The following DPP8 variants were observed in gnomAD, a reference collection of about 807,000 sequenced individuals.
DPP8 encodes dipeptidyl peptidase 8.
In DPP8, 31 loss-of-function variants were observed where a neutral mutation model predicts 107.5. That is an observed-to-expected ratio of 0.29 (90% CI 0.22 to 0.39). The LOEUF (loss-of-function observed/expected upper bound fraction) is 0.39. Among genes scored for constraint, DPP8 ranks in the 10% least tolerant of loss-of-function variants. The probability of loss-of-function intolerance (pLI) is 1.00; values close to 1 mark genes in which losing one functional copy is unlikely to be tolerated. For synonymous variants in DPP8, 381 were observed against 356.6 expected, an observed-to-expected ratio of 1.07 and a Z score of -0.77; for missense variants, 842 against 1,076.1, an observed-to-expected ratio of 0.78 and a Z score of 3.04.
chr15:65,474,035 T>C (rs1205141256), intron 12 of DPP8, among the ~76,000 whole-genome samples, 174 bp downstream of exon 12: 3 of 151,202 alleles, frequency 2.0e-5, no homozygotes, highest in Non-Finnish European at 4.4e-5. Context: ...ACCCGGGAGG[T>C]GGAAGTTGTA....
chr15:65,444,359 A>G lies in DPP8; in HGVS notation c.*2525T>C, dbSNP rs1222488756. 2 of 152,296 alleles carry G rather than the reference A, an allele frequency of 1.3e-5. No homozygotes were observed. Among genetic ancestry groups the G allele is most frequent in the Admixed American group, 6.5e-5 (1 of 15,292 alleles). 9.4% of individuals were successfully genotyped at this position (152,296 alleles called of 1,614,324 possible). A position where few individuals can be genotyped will look rare whatever the true frequency, so the allele number is the denominator to read the frequency against. ...TCTGGATGGTTGTTCAAGTGTACACATTTATCAAGTCTTTAAAAACGTAGT... is the reference window on the plus strand; with the variant it reads ...TCTGGATGGTTGTTCAAGTGTACACGTTTATCAAGTCTTTAAAAACGTAGT... On this transcript the variant is annotated 3_prime_UTR_variant, in exon 20 of 20. Transcript: ENST00000300141.
chr15:65,466,604 A>G, intron 14 of DPP8, 74 bp downstream of exon 14: 1 of 1,370,816 alleles, frequency 7.3e-7, no homozygotes, highest in Non-Finnish European at 1.0e-6. Context: ...AGGAAATGTG[A>G]AAATATGACA....
At chr15:65,475,884 G>A (rs1222888012) in intron 11 of DPP8, among the ~76,000 whole-genome samples, 1 of 152,122 alleles carries the variant, frequency 6.6e-6, no homozygotes, top group Non-Finnish European at 1.5e-5. Flanking sequence ...AAGTAGCTGG[G>A]ACTACAGGCT....
intron 4 of DPP8, among the ~76,000 whole-genome samples, chr15:65,500,150 G>A (rs1172547919): frequency 6.6e-6 from 1 of 152,044 alleles, no homozygotes; most frequent in African/African-American, 2.4e-5. Flanking sequence ...TGGGCGCGGT[G>A]GCTCATGTCT....
intron 15 of DPP8, among the ~76,000 whole-genome samples, chr15:65,462,586 A>T (rs930830463): frequency 1.3e-5 from 2 of 152,060 alleles, no homozygotes; most frequent in East Asian, 3.9e-4. Context: ...ACCCATCCAA[A>T]ATATATATAT....
At chr15:65,472,772 G>T (rs1328344413) in intron 12 of DPP8, among the ~76,000 whole-genome samples, 1 of 152,158 alleles carries the variant, frequency 6.6e-6, no homozygotes, top group Non-Finnish European at 1.5e-5. Context: ...AGGCGTGGTG[G>T]TTCACACCTG....
intron 8 of DPP8, among the ~76,000 whole-genome samples, chr15:65,483,100 AAAAT>A (rs1250856949): frequency 6.6e-6 from 1 of 152,086 alleles, no homozygotes; most frequent in Non-Finnish European, 1.5e-5. Flanking sequence ...CCATCTCAAA[AAAAT>A]AAATAAATAA....
At chr15:65,509,957 G>A (rs2070546957) in intron 2 of DPP8, among the ~76,000 whole-genome samples, 1 of 152,052 alleles carries the variant, frequency 6.6e-6, no homozygotes, top group Admixed American at 6.6e-5. Flanking sequence ...GGAGGTGGAG[G>A]TTGCAGTTAG....
chr15:65,512,435 T>C lies in DPP8; in HGVS notation c.119A>G (p.Tyr40Cys), dbSNP rs2070906662. The change falls in exon 2 of 20, where the codon TAT (tyrosine) becomes TGT (cysteine). Residue 40 changes from tyrosine to cysteine, a missense_variant. Tyr to Cys is a radical substitution (Grantham distance 194). Coordinates refer to ENST00000300141, the MANE Select transcript of DPP8 (RefSeq NM_130434.5). ...CAGCTTTTTAAGCTGACTCCAGGAA[T>C]ACCGCTCAACATAAAAAGGCTCCAA... ...PKLEPFYVER[Y>C]SWSQLKKLLA... is the part of the protein sequence containing the mutation. 1 of 1,614,060 alleles carries C rather than the reference T, an allele frequency of 6.2e-7. No homozygotes were observed. Among genetic ancestry groups the C allele is most frequent in the South Asian group, 1.1e-5 (1 of 91,088 alleles).
intron 7 of DPP8, among the ~76,000 whole-genome samples, chr15:65,486,327 G>A (rs2067433542): frequency 6.6e-6 from 1 of 151,992 alleles, no homozygotes; most frequent in South Asian, 2.1e-4. Flanking sequence ...ACTTGAACCT[G>A]GGAGGCGGAG....
Position 65,474,277 on chromosome 15 carries a change from A to T in DPP8, c.1468T>A (p.Cys490Ser), listed in dbSNP as rs1306353813. ...GGLPAPSDFKCPIKEEIAITS... is the reference protein window; with the variant it reads ...GGLPAPSDFKSPIKEEIAITS... Reference sequence around the variant, plus strand: ...ATTGCTATCTCCTCTTTGATAGGACACTTGAAATCACCTGAAGATAAATAT... The same window carrying T: ...ATTGCTATCTCCTCTTTGATAGGACTCTTGAAATCACCTGAAGATAAATAT... The change falls in exon 12 of 20, where the codon TGT becomes AGT. Residue 490 changes from cysteine (C) to serine (S), a missense_variant. Cys to Ser is a moderately radical substitution (Grantham distance 112). Coordinates refer to ENST00000300141, the MANE Select transcript of DPP8 (RefSeq NM_130434.5). 1 of 1,605,678 alleles carries T rather than the reference A, an allele frequency of 6.2e-7. No homozygotes were observed.
At chr15:65,515,469 G>C (rs2071336927) in intron 1 of DPP8, among the ~76,000 whole-genome samples, 1 of 152,068 alleles carries the variant, frequency 6.6e-6, no homozygotes, top group Non-Finnish European at 1.5e-5. Flanking sequence ...TATAATATTG[G>C]TAATCTGTGC....
At chr15:65,490,064 C>A in intron 6 of DPP8, 125 bp downstream of exon 6, 1 of 637,810 alleles carries the variant, frequency 1.6e-6, no homozygotes, top group Admixed American at 2.8e-5. Flanking sequence ...CAATCATCAT[C>A]ACTTTGGAAT....
Position 65,500,702 on chromosome 15 carries a change from A to G in DPP8, c.450T>C (p.Ile150=), listed in dbSNP as rs141548420. 1 of 1,613,894 alleles carries G rather than the reference A, an allele frequency of 6.2e-7. No individual in the cohort carries two copies. The highest frequency in any genetic ancestry group is 8.5e-7 in the Non-Finnish European group (1 of 1,179,822). ...RERKRIGTVG[I]ASYDYHQGSG... ...TTCCTTGGTGATAATCGTAAGAAGC[A>G]ATTCCGACTGTTCCAATGCGTTTTC... Residue 150 remains isoleucine (I), a synonymous_variant, in exon 4 of 20, where the codon ATT becomes ATC. Coordinates refer to ENST00000300141, the MANE Select transcript of DPP8 (RefSeq NM_130434.5).
At chr15:65,504,813 C>T (rs62013077) in intron 3 of DPP8, among the ~76,000 whole-genome samples, 1 of 151,602 alleles carries the variant, frequency 6.6e-6, no homozygotes, top group African/African-American at 2.4e-5. Context: ...GAGACCCTGT[C>T]TCTACAAAAC....
intron 11 of DPP8, among the ~76,000 whole-genome samples, chr15:65,475,773 T>A (rs973890495): frequency 1.3e-5 from 2 of 152,204 alleles, no homozygotes; most frequent in Non-Finnish European, 2.9e-5. Context: ...GTTTTTTTCC[T>A]GTTCTGCTCT....
In DPP8 at chr15:65,450,585, T is replaced by C. The variant is rs147222964; in HGVS notation, c.2526+414A>G. On this transcript the variant is annotated intron_variant, in intron 19 of 19. Coordinates refer to ENST00000300141, the MANE Select transcript of DPP8 (RefSeq NM_130434.5). Reference sequence around the variant, plus strand: ...AATGGAGGAGAGTAACTTGCTGGTTTTTCCTCCAATGTCAATGTAAAATAA... The same window carrying C: ...AATGGAGGAGAGTAACTTGCTGGTTCTTCCTCCAATGTCAATGTAAAATAA... Among the ~76,000 whole-genome samples, 6 of 152,306 alleles carry C rather than the reference T, an allele frequency of 3.9e-5. No homozygotes were observed. The East Asian group carries it at 9.6e-4, about 24-fold the overall frequency.
In DPP8 at chr15:65,445,985, A is replaced by G. The variant is rs1427524939; in HGVS notation, c.*899T>C. Reference sequence around the variant, plus strand: ...CCCTTCAATCTCCTTAAAATTCTAGAATATTTTAATAAGGAAATACCAAAT... The same window carrying G: ...CCCTTCAATCTCCTTAAAATTCTAGGATATTTTAATAAGGAAATACCAAAT... On this transcript the variant is annotated 3_prime_UTR_variant, in exon 20 of 20. Transcript: ENST00000300141. 3 of 152,014 alleles carry G rather than the reference A, an allele frequency of 2.0e-5. No homozygotes were observed. Among genetic ancestry groups the G allele is most frequent in the Admixed American group, 6.6e-5 (1 of 15,244 alleles). 9.4% of individuals were successfully genotyped at this position (152,014 alleles called of 1,614,324 possible).
intron 7 of DPP8, among the ~76,000 whole-genome samples, chr15:65,485,922 C>T (rs1284724223): frequency 2.1e-5 from 3 of 144,516 alleles, no homozygotes; most frequent in East Asian, 2.1e-4. Flanking sequence ...GGTGAAACCC[C>T]ATCTCTACTA....
Sources: allele counts gnomAD v4.1 joint callset (sites outside exome capture counted in the v4.1 genomes callset), GRCh38; gene constraint gnomAD v4.1.1; transcripts MANE v1.5; gene names NCBI Gene and HGNC (gene_info 2026-07-23, HGNC 2026-07-21).